CNBD1: variants seen among roughly 807,000 people sequenced by gnomAD.
CNBD1 encodes cyclic nucleotide binding domain containing 1, also known as cyclic nucleotide-binding domain-containing protein 1.
CNBD1 carries 71 observed loss-of-function variants against 54.4 expected under a neutral mutation model. The ratio of observed to expected loss-of-function variants is 1.30; its 90% confidence interval spans 1.08 to 1.59. The LOEUF is 1.59. Among genes scored for constraint, CNBD1 ranks in the 40% most tolerant of loss-of-function variants. The probability of loss-of-function intolerance (pLI) is 0.00; values close to 1 mark genes in which losing one functional copy is unlikely to be tolerated. For synonymous variants in CNBD1, 182 were observed against 170.7 expected, an observed-to-expected ratio of 1.07 and a Z score of -0.51; for missense variants, 659 against 518.0, an observed-to-expected ratio of 1.27 and a Z score of -2.64.
intron 4 of CNBD1, among the ~76,000 whole-genome samples, chr8:87,052,050 T>G (rs1183888057): frequency 6.6e-6 from 1 of 152,222 alleles, no homozygotes; most frequent in Non-Finnish European, 1.5e-5. Flanking sequence ...GCACTCCCTT[T>G]TGAAATGTCC....
chr8:86,992,591 G>GT (rs1247849580), intron 4 of CNBD1, among the ~76,000 whole-genome samples: 1 of 151,980 alleles, frequency 6.6e-6, no homozygotes, highest in African/African-American at 2.4e-5. Context: ...GTGTGTCCTT[G>GT]TGGTAGCAAG....
intron 2 of CNBD1, among the ~76,000 whole-genome samples, chr8:87,414,442 C>A (rs1289424348): frequency 6.6e-6 from 1 of 151,988 alleles, no homozygotes; most frequent in Non-Finnish European, 1.5e-5. Flanking sequence ...TTAATGGGTG[C>A]AGCACACCAA....
intron 6 of CNBD1, among the ~76,000 whole-genome samples, chr8:87,272,021 C>T (rs998824354): frequency 6.6e-6 from 1 of 151,788 alleles, no homozygotes; most frequent in African/African-American, 2.4e-5. Flanking sequence ...ACAGGTATCA[C>T]ATGTGGGAGC....
At chr8:86,916,661 G>A (rs1054796946) in intron 3 of CNBD1, among the ~76,000 whole-genome samples, 2 of 151,472 alleles carry the variant, frequency 1.3e-5, no homozygotes, top group African/African-American at 4.9e-5. Flanking sequence ...CTATCTTTTG[G>A]GAGCCTGCCT....
intron 8 of CNBD1, among the ~76,000 whole-genome samples, chr8:87,310,507 T>G (rs1422898813): frequency 6.6e-6 from 1 of 152,018 alleles, no homozygotes; most frequent in Non-Finnish European, 1.5e-5. Context: ...GGAGAAACAC[T>G]CCACCCTCAT....
At chr8:87,384,700 G>C (rs970869177), downstream of CNBD1, among the ~76,000 whole-genome samples, 1 of 152,034 alleles carries the variant, frequency 6.6e-6, no homozygotes, top group African/African-American at 2.4e-5. Flanking sequence ...CTATCAAATG[G>C]GCATGGCTCC....
intron 4 of CNBD1, among the ~76,000 whole-genome samples, chr8:87,033,045 T>A (rs1056471085): frequency 6.6e-6 from 1 of 151,798 alleles, no homozygotes; most frequent in Non-Finnish European, 1.5e-5. Context: ...TGTGAAGTCA[T>A]ACACAACATC....
chr8:87,410,387 T>C (rs1563591517), intron 2 of CNBD1, among the ~76,000 whole-genome samples: 1 of 152,200 alleles, frequency 6.6e-6, no homozygotes, highest in Non-Finnish European at 1.5e-5. Context: ...GAATTTACTA[T>C]TCTGGATGCC....
chr8:87,370,881 G>A (rs9720909), intron 10 of CNBD1, among the ~76,000 whole-genome samples: 14,532 of 146,754 alleles, frequency 0.099, 801 homozygotes, highest in African/African-American at 0.13. Context: ...TAAGTCTTTA[G>A]TCCATCTTGA....
chr8:86,897,780 C>G (rs1055630930), intron 2 of CNBD1, among the ~76,000 whole-genome samples: 3 of 152,174 alleles, frequency 2.0e-5, no homozygotes, highest in African/African-American at 7.2e-5. Context: ...AATTCCCAGA[C>G]TCAACATTCC....
At chr8:87,142,905 G>GTTTA (rs10680639) in intron 4 of CNBD1, among the ~76,000 whole-genome samples, 149,954 of 152,144 alleles carry the variant, frequency 0.99, 73,906 homozygotes, top group East Asian at 1. Flanking sequence ...TTCAACAAAT[G>GTTTA]TTGAGTTTCT....
At chr8:87,317,678 C>T (rs114770974) in intron 8 of CNBD1, among the ~76,000 whole-genome samples, 1,557 of 151,738 alleles carry the variant, frequency 0.01, 14 homozygotes, top group African/African-American at 0.034. Flanking sequence ...GGGTCTGTGT[C>T]GATAAGTGTT....
At chr8:87,372,544 A>C (rs767881984) in intron 10 of CNBD1, among the ~76,000 whole-genome samples, 47 of 151,918 alleles carry the variant, frequency 3.1e-4, no homozygotes, top group Non-Finnish European at 5.9e-4. Context: ...GTGGTCTCCA[A>C]GATTAAGTTC....
intron 4 of CNBD1, among the ~76,000 whole-genome samples, chr8:87,018,229 G>A (rs1433278081): frequency 6.6e-6 from 1 of 152,176 alleles, no homozygotes. Context: ...GGCAACGAGA[G>A]CAAAACTGTG....
Position 87,391,769 on chromosome 8 carries a change from G to T in CNBD1, c.214-36777G>T, listed in dbSNP as rs186580399. Reference sequence around the variant, plus strand: ...AGAAAATTTAGAAGTAAATCTTTGTGACCTTGGGTAAAGCGAACCCTTTTC... The same window carrying T: ...AGAAAATTTAGAAGTAAATCTTTGTTACCTTGGGTAAAGCGAACCCTTTTC... On this transcript the variant is annotated intron_variant, in intron 2 of 7. Coordinates refer to the CNBD1 transcript ENST00000521593. Among the ~76,000 whole-genome samples, 50 of 151,982 alleles carry T rather than the reference G, an allele frequency of 3.3e-4. 2 individuals are homozygous for T. In the East Asian group the frequency reaches 8.9e-3, roughly 27 times the overall value.
At chr8:86,942,454 G>C (rs902924560) in intron 4 of CNBD1, among the ~76,000 whole-genome samples, 4 of 152,170 alleles carry the variant, frequency 2.6e-5, no homozygotes, top group Non-Finnish European at 4.4e-5. Context: ...AAGCTCAAAT[G>C]GTTGTTGGCA....
chr8:87,027,081 C>T (rs1262586588), intron 4 of CNBD1, among the ~76,000 whole-genome samples: 13 of 150,674 alleles, frequency 8.6e-5, no homozygotes. Flanking sequence ...CTTATGAGTG[C>T]TTTTTTTTTA....
At chr8:87,026,036 A>T (rs565892482) in intron 4 of CNBD1, among the ~76,000 whole-genome samples, 1 of 152,308 alleles carries the variant, frequency 6.6e-6, no homozygotes, top group Non-Finnish European at 1.5e-5. Flanking sequence ...AAATAGGTTT[A>T]TGGGATGTTA....
chr8:87,000,802 G>C (rs912500757), intron 4 of CNBD1, among the ~76,000 whole-genome samples: 1 of 151,974 alleles, frequency 6.6e-6, no homozygotes, highest in Non-Finnish European at 1.5e-5. Context: ...TGTCACCCTA[G>C]CTATTTCTCT....
Sources: gnomAD v4.1 joint callset for allele counts (sites outside exome capture counted in the v4.1 genomes callset) on GRCh38, gnomAD v4.1.1 for gene constraint, MANE v1.5 for transcripts, NCBI Gene and HGNC (gene_info 2026-07-23, HGNC 2026-07-21) for gene names.